Variants in HS6ST1 observed in about 807,000 individuals in gnomAD.
HS6ST1 encodes heparan-sulfate 6-O-sulfotransferase 1.
Under a neutral mutation model 25.2 loss-of-function variants are expected in HS6ST1, and 3 were observed. The ratio of observed to expected loss-of-function variants is 0.12; its 90% CI spans 0.05 to 0.31. The LOEUF (loss-of-function observed/expected upper bound fraction) is 0.31. Ranked by LOEUF, HS6ST1 falls within the 10% of genes least tolerant of loss-of-function variation. The pLI is 1.00. For synonymous variants in HS6ST1, 204 were observed against 275.1 expected, an observed-to-expected ratio of 0.74 and a Z score of 2.56; for missense variants, 310 against 609.6, an observed-to-expected ratio of 0.51 and a Z score of 5.18.
At chr2:128,279,330 CTTTTTTTTTTTT>C (rs61670210) in intron 1 of HS6ST1, among the ~76,000 whole-genome samples, 2 of 124,748 alleles carry the variant, frequency 1.6e-5, no homozygotes, top group Admixed American at 8.0e-5. Flanking sequence ...ATGACAGAAC[CTTTTTTTTTTTT>C]TTTTTTTTTT....
intron 1 of HS6ST1, among the ~76,000 whole-genome samples, chr2:128,275,257 A>AT (rs1359457380): frequency 6.6e-6 from 1 of 152,108 alleles, no homozygotes; most frequent in African/African-American, 2.4e-5. Context: ...GTGATTACTG[A>AT]TTTAATAAAA....
At chr2:128,276,348 C>A in intron 1 of HS6ST1, among the ~76,000 whole-genome samples, 1 of 152,322 alleles carries the variant, frequency 6.6e-6, no homozygotes, top group East Asian at 1.9e-4. Flanking sequence ...GTTGGCCAGG[C>A]TGGTCTCGAA....
intron 1 of HS6ST1, among the ~76,000 whole-genome samples, chr2:128,274,515 A>G (rs1340842399): frequency 6.6e-6 from 1 of 152,168 alleles, no homozygotes; most frequent in Admixed American, 6.5e-5. Context: ...TTTTAGGAAG[A>G]TCCTGGAGTA....
At chr2:128,309,742 A>G (rs1276394211) in intron 1 of HS6ST1, among the ~76,000 whole-genome samples, 2 of 152,252 alleles carry the variant, frequency 1.3e-5, no homozygotes, top group African/African-American at 4.8e-5. Flanking sequence ...AAGGCAGGCC[A>G]GGTGCAGGCT....
chr2:128,308,203 CA>C (rs1205726344), intron 1 of HS6ST1, among the ~76,000 whole-genome samples: 1 of 152,176 alleles, frequency 6.6e-6, no homozygotes, highest in African/African-American at 2.4e-5. Flanking sequence ...TGCAGGGAGG[CA>C]GGGGTGGGGT....
At chr2:128,302,060 G>C (rs1694138800) in intron 1 of HS6ST1, among the ~76,000 whole-genome samples, 1 of 152,220 alleles carries the variant, frequency 6.6e-6, no homozygotes, top group Non-Finnish European at 1.5e-5. Context: ...CCTGAAGCCA[G>C]TCCCATCCCT....
chr2:128,282,503 G>A (rs73956982), intron 1 of HS6ST1, among the ~76,000 whole-genome samples: 12,450 of 152,290 alleles, frequency 0.082, 1,625 homozygotes, highest in African/African-American at 0.28. Context: ...GCTGGGCTGC[G>A]GCCTGAGGAG....
At chr2:128,270,890 G>C (rs1038819658) in intron 1 of HS6ST1, among the ~76,000 whole-genome samples, 1 of 152,208 alleles carries the variant, frequency 6.6e-6, no homozygotes, top group African/African-American at 2.4e-5. Context: ...GTGACTCTGA[G>C]GGCAAGGACA....
intron 1 of HS6ST1, among the ~76,000 whole-genome samples, chr2:128,271,153 G>A (rs1693603339): frequency 6.6e-6 from 1 of 152,224 alleles, no homozygotes; most frequent in Non-Finnish European, 1.5e-5. Flanking sequence ...TGGAAGACCT[G>A]CAGAGCAAGC....
At chr2:128,280,119 A>G (rs1693762177) in intron 1 of HS6ST1, among the ~76,000 whole-genome samples, 1 of 152,092 alleles carries the variant, frequency 6.6e-6, no homozygotes. Context: ...CCTGCTGCCA[A>G]CCCCACCAGG....
At chr2:128,299,084 T>C (rs1694082531) in intron 1 of HS6ST1, among the ~76,000 whole-genome samples, 1 of 152,214 alleles carries the variant, frequency 6.6e-6, no homozygotes, top group South Asian at 2.1e-4. Flanking sequence ...GAAACACACC[T>C]GGACGTGGCC....
chr2:128,302,899 G>A (rs543856273), intron 1 of HS6ST1, among the ~76,000 whole-genome samples: 2 of 152,324 alleles, frequency 1.3e-5, no homozygotes, highest in South Asian at 4.1e-4. Context: ...CCTCTCAGCT[G>A]CTCCAGCCTC....
chr2:128,272,018 C>A (rs1030280610), intron 1 of HS6ST1, among the ~76,000 whole-genome samples: 1 of 152,210 alleles, frequency 6.6e-6, no homozygotes, highest in African/African-American at 2.4e-5. Flanking sequence ...TTCAGATGGC[C>A]CCTGGCCACC....
intron 1 of HS6ST1, among the ~76,000 whole-genome samples, chr2:128,290,975 G>C (rs1693943152): frequency 6.6e-6 from 1 of 151,698 alleles, no homozygotes; most frequent in African/African-American, 2.4e-5. Flanking sequence ...GAGTGAAACT[G>C]TCTCAAATTA....
At chr2:128,291,292 G>A (rs1419276372) in intron 1 of HS6ST1, among the ~76,000 whole-genome samples, 1 of 152,274 alleles carries the variant, frequency 6.6e-6, no homozygotes, top group African/African-American at 2.4e-5. Flanking sequence ...CCCGGCATGG[G>A]GGAGGGCTAC....
chr2:128,290,369 C>T (rs558004644), intron 1 of HS6ST1, among the ~76,000 whole-genome samples: 3 of 152,098 alleles, frequency 2.0e-5, no homozygotes, highest in South Asian at 2.1e-4. Flanking sequence ...ATCCTAATAC[C>T]GAAGTTGGAC....
chr2:128,296,449 T>C (rs994061420), intron 1 of HS6ST1, among the ~76,000 whole-genome samples: 2 of 152,258 alleles, frequency 1.3e-5, no homozygotes, highest in Admixed American at 6.5e-5. Flanking sequence ...CATAATCTTA[T>C]ATGTAGATAA....
At chr2:128,307,437 G>A (rs1001422177) in intron 1 of HS6ST1, among the ~76,000 whole-genome samples, 1 of 152,222 alleles carries the variant, frequency 6.6e-6, no homozygotes, top group African/African-American at 2.4e-5. Context: ...GGGCCAGCCT[G>A]GCCCTACCTG....
intron 1 of HS6ST1, among the ~76,000 whole-genome samples, chr2:128,292,018 T>TCCGGCTCAGGAGAAGGCC (rs200262878): frequency 0.013 from 1,944 of 152,084 alleles, 35 homozygotes; most frequent in African/African-American, 0.045. Flanking sequence ...TGGGGAAGGG[T>TCCGGCTCAGGAGAAGGCC]CCGGCTCAGG....
Sources: allele counts gnomAD v4.1 joint callset (sites outside exome capture counted in the v4.1 genomes callset), GRCh38; gene constraint gnomAD v4.1.1; transcripts MANE v1.5; gene names NCBI Gene and HGNC (gene_info 2026-07-23, HGNC 2026-07-21).